The following VAMP7 variants were observed in gnomAD, a reference collection of about 807,000 sequenced individuals.
VAMP7 encodes vesicle associated membrane protein 7, also known as vesicle-associated membrane protein 7.
Under a neutral mutation model 29.6 loss-of-function variants are expected in VAMP7, and 14 were observed. That is an observed-to-expected ratio of 0.47 (90% confidence interval 0.31 to 0.74). The LOEUF (loss-of-function observed/expected upper bound fraction) is 0.74. Ranked by LOEUF, VAMP7 falls within the 30% of genes least tolerant of loss-of-function variation. VAMP7 has a pLI of 0.05. For synonymous variants in VAMP7, 95 were observed against 88.1 expected, an observed-to-expected ratio of 1.08 and a Z score of -0.44; for missense variants, 223 against 262.4, an observed-to-expected ratio of 0.85 and a Z score of 1.04.
chrX:155,886,095 T>G (rs2065862316), intron 1 of VAMP7, among the ~76,000 whole-genome samples: 1 of 152,120 alleles, frequency 6.6e-6, no homozygotes, highest in Non-Finnish European at 1.5e-5. Context: ...TTTCTTCCCT[T>G]CTCTCTCTGG....
At chrX:155,888,616 A>C (rs191585276) in intron 1 of VAMP7, among the ~76,000 whole-genome samples, 1 of 152,214 alleles carries the variant, frequency 6.6e-6, no homozygotes, top group Non-Finnish European at 1.5e-5. Context: ...ATTCATAGGC[A>C]GACATAAGGA....
At chrX:155,895,583 G>A (rs1365282141) in intron 2 of VAMP7, 40 bp from the exon 3 acceptor site, 2 of 1,483,040 alleles carry the variant, frequency 1.3e-6, no homozygotes, top group East Asian at 2.3e-5. Flanking sequence ...AAGTGATGTT[G>A]CTTATAACCA....
intron 5 of VAMP7, among the ~76,000 whole-genome samples, chrX:155,904,896 A>G (rs1473838972): frequency 1.1e-5 from 1 of 92,738 alleles, no homozygotes; most frequent in Non-Finnish European, 2.1e-5. Context: ...GCATATATAT[A>G]TATTATATAT....
intron 6 of VAMP7, among the ~76,000 whole-genome samples, chrX:155,932,807 G>A (rs187413176): frequency 3.7e-4 from 57 of 152,110 alleles, no homozygotes; most frequent in African/African-American, 9.9e-4. Context: ...GAATGCTTCC[G>A]GTTTTTGCCC....
rs201407150 is a variant in VAMP7 at position 155,939,807 on chromosome X, C to T, written c.594+14C>T. On this transcript the variant is annotated intron_variant, in intron 7 of 7. Transcript: ENST00000286448. ...ATCGTATCAATTGTAAGTTTTTGTC[C>T]TTTTAGTGTATGGCTTTATTTTTCA... is the stretch of plus-strand genomic sequence containing the variant. 8.2e-6 allele frequency: 13 copies of T among 1,593,378 alleles called. No homozygotes were observed. The highest frequency in any genetic ancestry group is 5.0e-5 in the Admixed American group (3 of 59,938).
intron 5 of VAMP7, among the ~76,000 whole-genome samples, chrX:155,910,841 C>T (rs1215397353): frequency 1.3e-5 from 2 of 151,924 alleles, no homozygotes; most frequent in Non-Finnish European, 2.9e-5. Flanking sequence ...GATATTATTC[C>T]CTTATCAAAT....
chrX:155,933,054 C>T (rs888557311), intron 6 of VAMP7, among the ~76,000 whole-genome samples: 1 of 151,994 alleles, frequency 6.6e-6, no homozygotes, highest in African/African-American at 2.4e-5. Flanking sequence ...GGATGAAGCC[C>T]ACTTGATCAT....
intron 6 of VAMP7, among the ~76,000 whole-genome samples, chrX:155,931,953 G>A (rs370074306): frequency 2.0e-5 from 3 of 152,056 alleles, no homozygotes; most frequent in African/African-American, 7.2e-5. Flanking sequence ...AGCACCATTT[G>A]TTAAATAGGG....
chrX:155,901,359 C>T (rs868304869), intron 5 of VAMP7, among the ~76,000 whole-genome samples: 64 of 142,994 alleles, frequency 4.5e-4, no homozygotes, highest in African/African-American at 1.8e-3. Context: ...TATTTTTATT[C>T]TTTTTTTTGT....
intron 5 of VAMP7, among the ~76,000 whole-genome samples, chrX:155,903,340 CCAAAATTGA>C (rs1343687380): frequency 6.6e-6 from 1 of 151,974 alleles, no homozygotes; most frequent in Non-Finnish European, 1.5e-5. Flanking sequence ...GCAACAAAAG[CCAAAATTGA>C]CAAATGCGAT....
At chrX:155,932,052 G>A (rs2066566729) in intron 6 of VAMP7, among the ~76,000 whole-genome samples, 1 of 152,068 alleles carries the variant, frequency 6.6e-6, no homozygotes, top group African/African-American at 2.4e-5. Flanking sequence ...GCTCTGTTCT[G>A]TTCCATTGGT....
intron 6 of VAMP7, among the ~76,000 whole-genome samples, chrX:155,924,117 C>T (rs2066435381): frequency 1.3e-5 from 2 of 152,094 alleles, no homozygotes; most frequent in African/African-American, 4.8e-5. Flanking sequence ...TCCCTGTCCT[C>T]TTCTTTTTTA....
At chrX:155,909,327 C>T (rs2066199750) in intron 5 of VAMP7, among the ~76,000 whole-genome samples, 1 of 152,080 alleles carries the variant, frequency 6.6e-6, no homozygotes, top group Non-Finnish European at 1.5e-5. Context: ...GGTGATGTCT[C>T]CTCTTTCATT....
At chrX:155,940,140 A>G (rs2066722708) in intron 7 of VAMP7, among the ~76,000 whole-genome samples, 1 of 152,116 alleles carries the variant, frequency 6.6e-6, no homozygotes, top group Admixed American at 6.5e-5. Flanking sequence ...TTAATTTCTA[A>G]TATGGCAAAT....
chrX:155,898,051 A>T, intron 3 of VAMP7, 61 bp from the exon 4 acceptor site: 1 of 1,575,590 alleles, frequency 6.3e-7, no homozygotes, highest in Non-Finnish European at 8.6e-7. Context: ...TGTTGTTCTT[A>T]ATCACTCACA....
chrX:155,906,746 C>A (rs1490116670), intron 5 of VAMP7, among the ~76,000 whole-genome samples: 2 of 152,150 alleles, frequency 1.3e-5, no homozygotes, highest in East Asian at 3.8e-4. Flanking sequence ...TAGAATCATG[C>A]TACTTGCAAA....
At chrX:155,905,204 G>A (rs1166143496) in intron 5 of VAMP7, among the ~76,000 whole-genome samples, 1 of 151,788 alleles carries the variant, frequency 6.6e-6, no homozygotes, top group Non-Finnish European at 1.5e-5. Flanking sequence ...TAGGCCATTC[G>A]TATATTTTCT....
At position 155,890,005 on chromosome X, in the gene VAMP7, G is replaced by A. The variant is rs143203440; in HGVS notation, c.146+393G>A. ...GTGCTGGGGATATAACAAGATATGT[G>A]GTATTTGCCCTCATAAGGGTTATAG... On this transcript the variant is annotated intron_variant, in intron 2 of 7. Transcript: ENST00000286448. Among the ~76,000 whole-genome samples the A allele has an allele frequency of 8.6e-3, 1,304 of 152,096 alleles. 27 individuals carry two copies. Among genetic ancestry groups the A allele is most frequent in the African/African-American group, 0.03 (1,238 of 41,488 alleles).
intron 4 of VAMP7, among the ~76,000 whole-genome samples, 175 bp from the exon 5 acceptor site, chrX:155,900,322 C>T (rs2066044069): frequency 6.6e-6 from 1 of 151,538 alleles, no homozygotes; most frequent in African/African-American, 2.4e-5. Context: ...TTTATGCTGC[C>T]CATATTTTTT....
Sources: allele counts gnomAD v4.1 joint callset (sites outside exome capture counted in the v4.1 genomes callset), GRCh38; gene constraint gnomAD v4.1.1; transcripts MANE v1.5; gene names NCBI Gene and HGNC (gene_info 2026-07-23, HGNC 2026-07-21).